Variants in PCDHGB4 observed in about 807,000 individuals in gnomAD.
PCDHGB4 encodes protocadherin gamma-B4.
In PCDHGB4, 38 loss-of-function variants were observed where a neutral mutation model predicts 60.5. The observed-to-expected ratio is 0.63, with a 90% CI of 0.48 to 0.82. The LOEUF (loss-of-function observed/expected upper bound fraction) is 0.82, where lower values mean the gene tolerates loss of function less well. Among genes scored for constraint, PCDHGB4 ranks in the 40% least tolerant of loss-of-function variants. The pLI is 0.00. For missense variants in PCDHGB4, 1,109 were observed against 1,209.6 expected (o/e 0.92, Z 1.23); for synonymous variants, 456 against 509.7 (o/e 0.89, Z 1.42).
chr5:141,472,281 C>A (rs944776124), intron 1 of PCDHGB4, among the ~76,000 whole-genome samples: 2 of 152,202 alleles, frequency 1.3e-5, no homozygotes, highest in Non-Finnish European at 2.9e-5. Context: ...GTGGCTCACA[C>A]CTGTAATCCC....
chr5:141,419,701 C>T (rs1268060859), intron 1 of PCDHGB4: 7 of 1,612,860 alleles, frequency 4.3e-6, no homozygotes, highest in Non-Finnish European at 5.9e-6. Flanking sequence ...CCAGTGAGCC[C>T]GGGCTCTTCA....
chr5:141,477,504 A>T lies in PCDHGB4; in HGVS notation c.2398-17303A>T, dbSNP rs1396003792. Reference sequence around the variant, plus strand: ...CCACAATCTTCTCAATCTTCCTACGACGTTTACATTGAAGAAAACAACCTC... The same window carrying T: ...CCACAATCTTCTCAATCTTCCTACGTCGTTTACATTGAAGAAAACAACCTC... On this transcript the variant is annotated intron_variant, in intron 1 of 3. Coordinates refer to ENST00000519479, the MANE Select transcript of PCDHGB4 (RefSeq NM_003736.4). This position sits in a 1 kb window ranked among gnomAD's most constrained non-coding sequence, Gnocchi z 4.9. The T allele has an allele frequency of 4.3e-6, 7 of 1,613,982 alleles. No homozygotes were observed. In the Admixed American group the frequency reaches 8.3e-5, roughly 19 times the overall value.
Position 141,485,835 on chromosome 5 carries a change from C to T in PCDHGB4, c.2398-8972C>T, listed in dbSNP as rs747722740. On this transcript the variant is annotated intron_variant, in intron 1 of 3. Transcript: ENST00000519479. This position sits in a 1 kb window ranked among gnomAD's most constrained non-coding sequence, Gnocchi z 5.7. ...ACTGCTGTCGATGGAGGGAACCCGC[C>T]GAGATCTGGCACCGCAGAGCTCCGG... 6.2e-7 allele frequency: 1 copy of T among 1,614,190 alleles called. No homozygotes were observed. Among genetic ancestry groups the T allele is most frequent in the Non-Finnish European group, 8.5e-7 (1 of 1,180,048 alleles).
intron 1 of PCDHGB4, chr5:141,423,883 A>T (rs1211746978): frequency 1.6e-6 from 2 of 1,283,342 alleles, no homozygotes; most frequent in Admixed American, 7.5e-5. Context: ...CAATCTTGGC[A>T]TATTTTCTTT....
intron 1 of PCDHGB4, chr5:141,405,178 T>C (rs769150671): frequency 3.1e-6 from 5 of 1,613,890 alleles, no homozygotes; most frequent in African/African-American, 2.7e-5. Flanking sequence ...ACTTTGTGGG[T>C]GTAGATGGGG....
intron 1 of PCDHGB4, among the ~76,000 whole-genome samples, chr5:141,481,749 C>T (rs958851030): frequency 6.6e-6 from 1 of 151,976 alleles, no homozygotes; most frequent in Non-Finnish European, 1.5e-5. Context: ...GTCAGGAGTC[C>T]AAGACCAGCC....
At position 141,389,707 on chromosome 5, in the gene PCDHGB4, A is replaced by G; in HGVS notation, c.1823A>G (p.Gln608Arg). 1 of 1,612,620 alleles carries G rather than the reference A, an allele frequency of 6.2e-7. No homozygotes were observed. Among genetic ancestry groups the G allele is most frequent in the African/African-American group, 1.3e-5 (1 of 75,046 alleles). The stretch of plus-strand genomic sequence containing the variant: ...GCCTGGCTGTCCTACCACGTGCTGC[A>G]GGCTAGCGAGCCCGGGCTCTTCAGC... ...HNAWLSYHVL[Q>R]ASEPGLFSLG... The change falls in exon 1 of 4, where the codon CAG becomes CGG. Residue 608 changes from glutamine to arginine, a missense_variant. This residue lies in a region of PCDHGB4 where 1,068 missense variants were observed against 1,089.9 expected (regional missense o/e 0.98). Coordinates refer to ENST00000519479, the MANE Select transcript of PCDHGB4 (RefSeq NM_003736.4).
At chr5:141,501,755 G>C (rs2099810889) in intron 2 of PCDHGB4, among the ~76,000 whole-genome samples, 1 of 152,116 alleles carries the variant, frequency 6.6e-6, no homozygotes, top group Non-Finnish European at 1.5e-5. Context: ...GAAGCTCTCA[G>C]TAAATGGTTA....
chr5:141,507,810 G>A (rs550331241), intron 3 of PCDHGB4, among the ~76,000 whole-genome samples: 1 of 152,290 alleles, frequency 6.6e-6, no homozygotes, highest in African/African-American at 2.4e-5. Context: ...CCTGGGGAAC[G>A]GACCCTGGGG....
intron 1 of PCDHGB4, chr5:141,419,843 C>T: frequency 6.2e-7 from 1 of 1,614,070 alleles, no homozygotes; most frequent in Non-Finnish European, 8.5e-7. Flanking sequence ...CACGCTGCAC[C>T]TGGTGTTCGC....
At chr5:141,429,486 A>C (rs2097218130) in intron 1 of PCDHGB4, among the ~76,000 whole-genome samples, 1 of 152,114 alleles carries the variant, frequency 6.6e-6, no homozygotes, top group Non-Finnish European at 1.5e-5. Context: ...AGTAGCTGAG[A>C]CTACAGTTGC....
At chr5:141,405,035 G>C in intron 1 of PCDHGB4, 1 of 1,613,964 alleles carries the variant, frequency 6.2e-7, no homozygotes, top group South Asian at 1.1e-5. Context: ...CTACCTCGTT[G>C]TGGCTGTGGC....
chr5:141,473,905 G>T (rs940750776), intron 1 of PCDHGB4, among the ~76,000 whole-genome samples: 2 of 152,096 alleles, frequency 1.3e-5, no homozygotes, highest in African/African-American at 4.8e-5. Context: ...TCATGAAGAG[G>T]TCTTAAGAAA....
intron 1 of PCDHGB4, chr5:141,419,575 C>T (rs2096401495): frequency 6.2e-7 from 1 of 1,611,782 alleles, no homozygotes. Context: ...CCGACGGCTC[C>T]GCGCTCTTCG....
Position 141,433,071 on chromosome 5 carries a change from C to T in PCDHGB4, c.2397+42790C>T, listed in dbSNP as rs2097566106. On this transcript the variant is annotated intron_variant, in intron 1 of 3. Transcript: ENST00000519479. ...TCGCGGAAGAGTCACCTGATCTTCC[C>T]CCAGCCCAACTATGCAGACATGCTC... 2.5e-6 allele frequency: 4 copies of T among 1,614,154 alleles called. No homozygotes were observed. The East Asian group carries it at 8.9e-5, about 36-fold the overall frequency.
At chr5:141,400,203 G>C in intron 1 of PCDHGB4, 1 of 1,613,996 alleles carries the variant, frequency 6.2e-7, no homozygotes, top group Non-Finnish European at 8.5e-7. Flanking sequence ...TGGTGGCCTT[G>C]GCCTTGATCT....
chr5:141,504,949 G>A (rs1234166109), intron 2 of PCDHGB4, among the ~76,000 whole-genome samples: 5 of 152,098 alleles, frequency 3.3e-5, no homozygotes, highest in Non-Finnish European at 1.5e-5. Context: ...AATGCACTAT[G>A]TTCAATGCAT....
chr5:141,409,286 C>T (rs1304936825), intron 1 of PCDHGB4: 1 of 1,613,826 alleles, frequency 6.2e-7, no homozygotes, highest in African/African-American at 1.3e-5. Context: ...GAATTCACCT[C>T]CAGGAATGGT....
intron 2 of PCDHGB4, among the ~76,000 whole-genome samples, chr5:141,504,253 G>A (rs1036263329): frequency 6.6e-6 from 1 of 152,100 alleles, no homozygotes; most frequent in Non-Finnish European, 1.5e-5. Context: ...TTCTTCTTAT[G>A]GTTTAGTATT....
Sources: gnomAD v4.1 joint callset for allele counts (sites outside exome capture counted in the v4.1 genomes callset) on GRCh38, gnomAD v4.1.1 for gene constraint, gnomAD v4.1.1 regional missense constraint, Gnocchi (gnomAD v3.1) non-coding constraint, MANE v1.5 for transcripts, NCBI Gene and HGNC (gene_info 2026-07-23, HGNC 2026-07-21) for gene names.